ANKS1B: variants seen among roughly 807,000 people sequenced by gnomAD.
ANKS1B encodes ankyrin repeat and sterile alpha motif domain containing 1B.
ANKS1B carries 36 observed loss-of-function variants against 148.3 expected under a neutral mutation model. The ratio of observed to expected loss-of-function variants is 0.24; its 90% CI spans 0.19 to 0.32. ANKS1B has a LOEUF of 0.32. ANKS1B is among the 10% of genes least tolerant of loss of function. The pLI is 1.00. For synonymous variants in ANKS1B, 542 were observed against 560.8 expected, an observed-to-expected ratio of 0.97 and a Z score of 0.47; for missense variants, 1,157 against 1,542.6, an observed-to-expected ratio of 0.75 and a Z score of 4.19.
intron 1 of ANKS1B, among the ~76,000 whole-genome samples, chr12:99,893,217 T>C (rs1318358724): frequency 2.6e-5 from 4 of 152,028 alleles, no homozygotes; most frequent in Non-Finnish European, 2.9e-5. Flanking sequence ...GAGACCATCC[T>C]GGATAACACA....
At chr12:99,134,494 T>C (rs1468235470) in intron 15 of ANKS1B, among the ~76,000 whole-genome samples, 2 of 151,896 alleles carry the variant, frequency 1.3e-5, no homozygotes, top group Non-Finnish European at 2.9e-5. Context: ...GAGGAGGAGA[T>C]AGAGAAGTGA....
At chr12:98,820,481 T>C (rs1324506330) in intron 19 of ANKS1B, among the ~76,000 whole-genome samples, 1 of 152,240 alleles carries the variant, frequency 6.6e-6, no homozygotes, top group African/African-American at 2.4e-5. Flanking sequence ...TAGAGCCCTG[T>C]GGTTTTATGA....
At chr12:99,931,362 AAG>A (rs2094610178) in intron 1 of ANKS1B, among the ~76,000 whole-genome samples, 1 of 152,172 alleles carries the variant, frequency 6.6e-6, no homozygotes, top group Non-Finnish European at 1.5e-5. Flanking sequence ...TTTAAAAAAA[AAG>A]AGAATGACAG....
chr12:99,834,376 G>C (rs1247286140), intron 1 of ANKS1B, among the ~76,000 whole-genome samples: 2 of 152,074 alleles, frequency 1.3e-5, no homozygotes, highest in Non-Finnish European at 2.9e-5. Flanking sequence ...ATGCCTACTT[G>C]TCAATATCTT....
intron 15 of ANKS1B, among the ~76,000 whole-genome samples, chr12:99,148,170 T>C (rs1464894850): frequency 6.6e-6 from 1 of 152,098 alleles, no homozygotes; most frequent in Non-Finnish European, 1.5e-5. Context: ...TTCTGATTCA[T>C]GAGGTAAATT....
At chr12:98,985,136 A>G (rs1257752390) in intron 17 of ANKS1B, among the ~76,000 whole-genome samples, 1 of 152,144 alleles carries the variant, frequency 6.6e-6, no homozygotes, top group African/African-American at 2.4e-5. Flanking sequence ...TTATTTTGAG[A>G]CAGTCTCACT....
chr12:99,824,239 G>A (rs2082871581), intron 2 of ANKS1B, among the ~76,000 whole-genome samples: 1 of 152,130 alleles, frequency 6.6e-6, no homozygotes, highest in South Asian at 2.1e-4. Flanking sequence ...GCCAGGCGTG[G>A]TAGCTCACAA....
At chr12:98,900,116 C>T (rs1230798180) in intron 17 of ANKS1B, among the ~76,000 whole-genome samples, 5 of 152,178 alleles carry the variant, frequency 3.3e-5, no homozygotes, top group Non-Finnish European at 7.4e-5. Flanking sequence ...ACTGTTTTCT[C>T]AACAGATCCA....
intron 9 of ANKS1B, among the ~76,000 whole-genome samples, chr12:99,568,549 C>T (rs2097420902): frequency 6.6e-6 from 1 of 152,170 alleles, no homozygotes; most frequent in Non-Finnish European, 1.5e-5. Context: ...TCAATCATTT[C>T]ATTTGGGCTG....
intron 12 of ANKS1B, among the ~76,000 whole-genome samples, chr12:99,296,045 CT>C (rs908085987): frequency 2.0e-5 from 3 of 151,726 alleles, no homozygotes; most frequent in South Asian, 2.1e-4. Flanking sequence ...TGCTTTTATC[CT>C]TTTTTTTGAA....
At chr12:99,983,439 T>C (rs768448946) in intron 1 of ANKS1B, among the ~76,000 whole-genome samples, 7 of 152,196 alleles carry the variant, frequency 4.6e-5, no homozygotes, top group Non-Finnish European at 1.0e-4. Context: ...CCGTACTCCA[T>C]ATACAGTATC....
chr12:98,838,829 C>A (rs763668193), intron 17 of ANKS1B, among the ~76,000 whole-genome samples: 1 of 152,152 alleles, frequency 6.6e-6, no homozygotes, highest in East Asian at 1.9e-4. Context: ...ATGGAAGTTG[C>A]GGTGGAAACT....
intron 11 of ANKS1B, among the ~76,000 whole-genome samples, chr12:99,427,557 A>C (rs1438969622): frequency 6.6e-6 from 1 of 152,144 alleles, no homozygotes; most frequent in Admixed American, 6.5e-5. Context: ...GACTCTGTGT[A>C]GTTAATTTAC....
At position 99,002,539 on chromosome 12, in the gene ANKS1B, A is replaced by T. The variant is rs1417754423; in HGVS notation, c.2778+50618T>A. Among the ~76,000 whole-genome samples, 3 of 150,538 alleles carry T rather than the reference A, an allele frequency of 2.0e-5. No individual in the cohort carries two copies. The East Asian group carries it at 5.8e-4, about 29-fold the overall frequency. On this transcript the variant is annotated intron_variant, in intron 17 of 26. Transcript: ENST00000683438. ...TTGGCTTTTTGATAGCCATCCTAAT[A>T]GATGTGAGGTGATATCTCATTGTGG...
chr12:99,047,958 C>T (rs1400841978), intron 17 of ANKS1B, among the ~76,000 whole-genome samples: 2 of 152,094 alleles, frequency 1.3e-5, no homozygotes, highest in African/African-American at 2.4e-5. Context: ...GGGCCTTGTG[C>T]TAGCTTTAAT....
At chr12:99,461,613 T>C (rs201343619) in intron 10 of ANKS1B, among the ~76,000 whole-genome samples, 1 of 152,158 alleles carries the variant, frequency 6.6e-6, no homozygotes, top group African/African-American at 2.4e-5. Context: ...CTCATAGCTA[T>C]AATTTATGAA....
At chr12:99,755,591 C>A (rs2061489372) in intron 8 of ANKS1B, among the ~76,000 whole-genome samples, 2 of 74,368 alleles carry the variant, frequency 2.7e-5, no homozygotes, top group African/African-American at 5.4e-5. Context: ...ATGCAAAAAT[C>A]CTCAAAAAAA....
intron 17 of ANKS1B, among the ~76,000 whole-genome samples, chr12:99,035,598 T>G (rs555942906): frequency 6.6e-6 from 1 of 152,276 alleles, no homozygotes; most frequent in Admixed American, 6.5e-5. Context: ...ATGCCTTTTC[T>G]CTTAGTAATC....
intron 9 of ANKS1B, among the ~76,000 whole-genome samples, chr12:99,582,453 C>T (rs931610512): frequency 5.3e-5 from 8 of 151,856 alleles, no homozygotes; most frequent in African/African-American, 1.2e-4. Context: ...AAATGTTCAT[C>T]GACTGATCAA....
Sources: allele counts gnomAD v4.1 joint callset (sites outside exome capture counted in the v4.1 genomes callset), GRCh38; gene constraint gnomAD v4.1.1; transcripts MANE v1.5; gene names NCBI Gene and HGNC (gene_info 2026-07-23, HGNC 2026-07-21).